Variants in SPINK6 observed in about 807,000 individuals in gnomAD.
SPINK6 encodes the protein serine peptidase inhibitor Kazal type 6.
Under a neutral mutation model 11.7 loss-of-function variants are expected in SPINK6, and 13 were observed. The observed-to-expected ratio is 1.11, with a 90% CI of 0.72 to 1.76. The LOEUF (loss-of-function observed/expected upper bound fraction) is 1.76. SPINK6 is among the 40% of genes most tolerant of loss of function. The pLI, the probability that SPINK6 is intolerant of heterozygous loss-of-function variation, is 0.00. For missense variants in SPINK6, 98 were observed against 93.7 expected, an observed-to-expected ratio of 1.05 and a Z score of -0.19; for synonymous variants, 21 against 31.9, an observed-to-expected ratio of 0.66 and a Z score of 1.15.
intron 1 of SPINK6, among the ~76,000 whole-genome samples, 199 bp downstream of exon 1, chr5:148,203,353 T>C (rs975924698): frequency 1.3e-5 from 2 of 152,182 alleles, no homozygotes; most frequent in Admixed American, 6.5e-5. Flanking sequence ...GTTGAGCATA[T>C]ACTATATTCT....
In SPINK6 at chr5:148,206,034, A is replaced by G; in HGVS notation, c.59-2A>G. 1 of 1,613,996 alleles carries G rather than the reference A, an allele frequency of 6.2e-7. No individual in the cohort carries two copies. The highest frequency in any genetic ancestry group is 1.1e-5 in the South Asian group (1 of 91,076). Reference sequence around the variant, plus strand: ...TGTTTGAATGTTGTGCTTTTCTTTCAGGTGTCTTCAGTCAGGGAGGACAGG... The same window carrying G: ...TGTTTGAATGTTGTGCTTTTCTTTCGGGTGTCTTCAGTCAGGGAGGACAGG... On this transcript the variant is annotated splice_acceptor_variant, in intron 1 of 3. Transcript: ENST00000325630. LOFTEE classifies it high-confidence loss of function.
At position 148,214,939 on chromosome 5, in the gene SPINK6, G is replaced by A. The variant is rs765404412; in HGVS notation, c.232G>A (p.Gly78Arg). 8.7e-6 allele frequency: 14 copies of A among 1,613,580 alleles called. No homozygotes were observed. In the African/African-American group the frequency reaches 1.5e-4, roughly 17 times the overall value. The change falls in exon 4 of 4, where the codon GGA becomes AGA. Residue 78 changes from glycine to arginine, a missense_variant. Coordinates refer to ENST00000325630, the MANE Select transcript of SPINK6 (RefSeq NM_205841.4). ...TGGAAAGATTAGCCTAAAGCATCCT[G>A]GAAAATGCTGAGTTAAAGCCAATGT... ...SGGKISLKHP[G>R]KC
chr5:148,211,577 CTTG>C (rs914817564), intron 2 of SPINK6, among the ~76,000 whole-genome samples: 4 of 152,052 alleles, frequency 2.6e-5, no homozygotes, highest in African/African-American at 9.7e-5. Flanking sequence ...ACATGTGTTC[CTTG>C]TTGTTTCTTG....
At chr5:148,209,981 T>C (rs79340334) in intron 2 of SPINK6, among the ~76,000 whole-genome samples, 20 of 121,868 alleles carry the variant, frequency 1.6e-4, no homozygotes, top group African/African-American at 1.0e-3. Flanking sequence ...CGTACGTATG[T>C]ATGTATACAT....
At chr5:148,212,614 T>TTATATTA (rs558198501) in intron 2 of SPINK6, among the ~76,000 whole-genome samples, 7 of 102,296 alleles carry the variant, frequency 6.8e-5, no homozygotes, top group South Asian at 2.5e-4. Flanking sequence ...TAATATATAT[T>TTATATTA]TATATTATAT....
intron 2 of SPINK6, among the ~76,000 whole-genome samples, chr5:148,208,221 C>T (rs897282571): frequency 3.9e-5 from 6 of 152,098 alleles, no homozygotes; most frequent in African/African-American, 1.5e-4. Flanking sequence ...CCTGCCCTAA[C>T]TGTCTGAATT....
chr5:148,214,341 T>A (rs1223121275), intron 3 of SPINK6, among the ~76,000 whole-genome samples: 1 of 152,238 alleles, frequency 6.6e-6, no homozygotes, highest in Non-Finnish European at 1.5e-5. Context: ...TATGTTTTAA[T>A]GTTTTCATTT....
At chr5:148,202,838 T>C (rs1040476680), upstream of SPINK6, 4 of 367,000 alleles carry the variant, frequency 1.1e-5, no homozygotes, top group Non-Finnish European at 1.9e-5. Flanking sequence ...GTATTGGTTG[T>C]TAGGAAAATG....
rs141759781 is a variant in SPINK6 at position 148,214,966 on chromosome 5, T to A, written c.*16T>A. 2,130 of 1,613,386 alleles carry A rather than the reference T, an allele frequency of 1.3e-3. 31 individuals carry two copies. In the Admixed American group the frequency reaches 0.026, roughly 20 times the overall value. ...AAAATGCTGAGTTAAAGCCAATGTT[T>A]CTTGGTGACTTGCCAGCTTTTGCAG... On this transcript the variant is annotated 3_prime_UTR_variant, in exon 4 of 4. Coordinates refer to ENST00000325630, the MANE Select transcript of SPINK6 (RefSeq NM_205841.4).
At chr5:148,213,120 G>A (rs1755634774) in intron 2 of SPINK6, among the ~76,000 whole-genome samples, 1 of 151,672 alleles carries the variant, frequency 6.6e-6, no homozygotes, top group African/African-American at 2.4e-5. Context: ...AAGAGCTTAT[G>A]GATGGATATT....
chr5:148,212,626 T>G lies in SPINK6; in HGVS notation c.82-1284T>G, dbSNP rs1188258489. Among the ~76,000 whole-genome samples, 3 of 102,546 alleles carry G rather than the reference T, an allele frequency of 2.9e-5. 1 individual carries two copies. Among genetic ancestry groups the G allele is most frequent in the Non-Finnish European group, 5.2e-5 (3 of 57,750 alleles). 67.3% of individuals were successfully genotyped at this position (102,546 alleles called of 152,430 possible). A position where few individuals can be genotyped will look rare whatever the true frequency, so the allele number is the denominator to read the frequency against. ...ATATAATATATATTTATATTATATATTATATATTATATATAATATAAATAT... is the reference window on the plus strand; with the variant it reads ...ATATAATATATATTTATATTATATAGTATATATTATATATAATATAAATAT... On this transcript the variant is annotated intron_variant, in intron 2 of 3. Transcript: ENST00000325630.
At chr5:148,208,035 G>A (rs1402768537) in intron 2 of SPINK6, among the ~76,000 whole-genome samples, 1 of 152,130 alleles carries the variant, frequency 6.6e-6, no homozygotes, top group African/African-American at 2.4e-5. Flanking sequence ...CCCTAGGTAA[G>A]AGGAGGCAAA....
intron 2 of SPINK6, among the ~76,000 whole-genome samples, chr5:148,212,563 A>AAG (rs377041959): frequency 1.5e-5 from 1 of 67,284 alleles, no homozygotes; most frequent in Non-Finnish European, 2.9e-5. Flanking sequence ...TATTTATATA[A>AAG]TATATATTAT....
intron 2 of SPINK6, among the ~76,000 whole-genome samples, chr5:148,209,148 T>G (rs902083414): frequency 6.6e-6 from 1 of 152,330 alleles, no homozygotes; most frequent in East Asian, 1.9e-4. Context: ...TTAGCTTGAT[T>G]TTGCTTAAAA....
Position 148,215,134 on chromosome 5 carries a change from A to C in SPINK6, c.*184A>C. On this transcript the variant is annotated 3_prime_UTR_variant, in exon 4 of 4. Transcript: ENST00000325630. ...TTGTCAATAAAGTACATTCTGCAAA[A>C]GCATTGACTGTGTTCTTACTTTGAG... is the stretch of plus-strand genomic sequence containing the variant. The C allele has an allele frequency of 1.8e-6, 1 of 546,702 alleles. No homozygotes were observed. Among genetic ancestry groups the C allele is most frequent in the Non-Finnish European group, 3.3e-6 (1 of 305,662 alleles). The allele number at this position is 546,702 out of a possible 1,614,324, so 33.9% of individuals were successfully genotyped here.
rs532850585 is a variant in SPINK6, at chr5:148,208,377, A to C, written c.81+2319A>C. 9.8e-4 allele frequency among the ~76,000 whole-genome samples: 149 copies of C among 152,284 alleles called. 1 individual carries two copies. Among genetic ancestry groups the C allele is most frequent in the Admixed American group, 2.7e-3 (41 of 15,300 alleles). ...GAGGGAGGGTGGAAGTTTCAATGCC[A>C]GCAGAAGACATTGAAACTATCATTA... On this transcript the variant is annotated intron_variant, in intron 2 of 3. Coordinates refer to ENST00000325630, the MANE Select transcript of SPINK6 (RefSeq NM_205841.4).
intron 2 of SPINK6, among the ~76,000 whole-genome samples, chr5:148,206,346 G>C (rs749947908): frequency 1.3e-5 from 2 of 152,086 alleles, no homozygotes; most frequent in Admixed American, 1.3e-4. Flanking sequence ...TGATCTTGGG[G>C]AAGTTACTCA....
rs1755664035 is a variant in SPINK6 at position 148,215,054 on chromosome 5, C to T, written c.*104C>T. 3.4e-5 allele frequency: 37 copies of T among 1,082,908 alleles called. No homozygotes were observed. The South Asian group carries it at 4.1e-4, about 12-fold the overall frequency. The allele number at this position is 1,082,908 out of a possible 1,614,324, so 67.1% of individuals were successfully genotyped here. ...GATTCCTTTAATTCATAAAGACATA[C>T]CTACTCTGCCTGGGTCTTGAGGAGT... On this transcript the variant is annotated 3_prime_UTR_variant, in exon 4 of 4. Transcript: ENST00000325630.
intron 1 of SPINK6, among the ~76,000 whole-genome samples, chr5:148,204,229 CA>C (rs1215990860): frequency 2.0e-5 from 3 of 151,018 alleles, no homozygotes; most frequent in East Asian, 3.9e-4. Flanking sequence ...CTTAGAAATA[CA>C]AAAAAAATGG....
Sources: gnomAD v4.1 joint callset for allele counts (sites outside exome capture counted in the v4.1 genomes callset) on GRCh38, gnomAD v4.1.1 for gene constraint, MANE v1.5 for transcripts, NCBI Gene and HGNC (gene_info 2026-07-23, HGNC 2026-07-21) for gene names.